Variants in PTRH1 observed in about 807,000 individuals in gnomAD.
PTRH1 encodes the protein peptidyl-tRNA hydrolase 1 homolog.
A neutral mutation model predicts 15.7 loss-of-function variants in PTRH1; 13 were observed. The ratio of observed to expected loss-of-function variants is 0.83; its 90% CI spans 0.54 to 1.31. The LOEUF is 1.31. PTRH1 is among the 40% of genes most tolerant of loss of function. The probability of loss-of-function intolerance (pLI) is 0.00; values close to 1 mark genes in which losing one functional copy is unlikely to be tolerated. For missense variants in PTRH1, 319 were observed against 296.2 expected, an observed-to-expected ratio of 1.08 and a Z score of -0.56; for synonymous variants, 139 against 136.7, an observed-to-expected ratio of 1.02 and a Z score of -0.12.
chr9:127,703,385 G>T (rs1469288943), intron 1 of PTRH1, among the ~76,000 whole-genome samples: 2 of 152,058 alleles, frequency 1.3e-5, no homozygotes, highest in Non-Finnish European at 2.9e-5. Context: ...GGTGGAGGTT[G>T]CAGTGAGCTG....
At chr9:127,713,738 G>A (rs998827858), downstream of PTRH1, 12 of 1,014,246 alleles carry the variant, frequency 1.2e-5, no homozygotes, top group Middle Eastern at 2.5e-4. Flanking sequence ...AACTCCTGAC[G>A]TCAAGCAATC....
At chr9:127,699,008 C>A (rs1842583706) in intron 1 of PTRH1, among the ~76,000 whole-genome samples, 1 of 151,672 alleles carries the variant, frequency 6.6e-6, no homozygotes, top group Non-Finnish European at 1.5e-5. Flanking sequence ...TCAAGCGATC[C>A]TCCCTCCTTA....
At chr9:127,711,815 C>T (rs371388623), downstream of PTRH1, 140 of 1,559,368 alleles carry the variant, frequency 9.0e-5, no homozygotes, top group Non-Finnish European at 1.1e-4. Context: ...TGTCCGCACC[C>T]GCAGATCATC....
downstream of PTRH1, chr9:127,712,831 G>C (rs187320210): frequency 9.9e-6 from 16 of 1,613,632 alleles, no homozygotes; most frequent in African/African-American, 4.0e-5. Flanking sequence ...AGAAGGCTGC[G>C]TGTCCCCACC....
Position 127,715,123 on chromosome 9 carries a change from C to G in PTRH1, c.168G>C (p.Leu56=). ...HSVGMAVLGQ[L]ARRLGVAESW... is the part of the protein sequence containing the mutation. The stretch of plus-strand genomic sequence containing the variant: ...TCTCCGCCACACCCAGCCGCCGCGC[C>G]AGCTGCCCCAGCACCGCCATGCCCA... The change falls in exon 2 of 5, where the codon CTG becomes CTC. Residue 56 remains leucine (L), a synonymous_variant. Coordinates refer to ENST00000543175, the MANE Select transcript of PTRH1 (RefSeq NM_001002913.3). This position sits in a 1 kb window ranked among gnomAD's most constrained non-coding sequence, Gnocchi z 5.8. 6.5e-7 allele frequency: 1 copy of G among 1,535,558 alleles called. No homozygotes were observed. The highest frequency in any genetic ancestry group is 8.7e-7 in the Non-Finnish European group (1 of 1,146,598).
chr9:127,714,566 A>T (rs1254559381), intron 3 of PTRH1, 37 bp downstream of exon 3: 1 of 1,602,128 alleles, frequency 6.2e-7, no homozygotes, highest in African/African-American at 1.3e-5. Context: ...GGGAGGCCTG[A>T]AGCCCTATCC....
chr9:127,710,837 C>G, downstream of PTRH1: 8 of 1,464,194 alleles, frequency 5.5e-6, no homozygotes, highest in Non-Finnish European at 7.4e-6. Flanking sequence ...GCCTCAGCTT[C>G]TAACTGGGGG....
At position 127,714,647 on chromosome 9, in the gene PTRH1, G is replaced by C. The variant is rs1842878275; in HGVS notation, c.372C>G (p.Asp124Glu). The C allele has an allele frequency of 3.1e-6, 5 of 1,613,808 alleles. No homozygotes were observed. The African/African-American group carries it at 4.0e-5, about 13-fold the overall frequency. The part of the protein sequence containing the change: ...EEVYLVHDEL[D>E]KPLGRLALKL... ...TCAGAGCCAGTCTCCCCAGGGGCTT[G>C]TCCAGCTCATCATGCACCAGGTAGA... The change falls in exon 3 of 5, where the codon GAC (aspartate) becomes GAG (glutamate). Residue 124 changes from aspartate (D) to glutamate (E), a missense_variant. Asp to Glu is a conservative substitution (Grantham distance 45). Coordinates refer to ENST00000543175, the MANE Select transcript of PTRH1 (RefSeq NM_001002913.3).
rs962121088 is a variant in PTRH1 at position 127,705,600 on chromosome 9, G to C, written c.205+9835C>G. 6.6e-6 allele frequency among the ~76,000 whole-genome samples: 1 copy of C among 152,252 alleles called. No individual in the cohort carries two copies. The highest frequency in any genetic ancestry group is 1.5e-5 in the Non-Finnish European group (1 of 68,046). ...CAGAGCTACCCCCTGCAATGGGCCT[G>C]GGGAAAAGAGAATAGAAATGGGGGA... On this transcript the variant is annotated intron_variant, in intron 1 of 2. Coordinates refer to the PTRH1 transcript ENST00000335223. The surrounding 1 kb of genome is among the most constrained non-coding windows in gnomAD (Gnocchi z 4.7).
At position 127,708,612 on chromosome 9, in the gene PTRH1, CTGAGA is replaced by C. The variant is rs200746956; in HGVS notation, c.205+6818_205+6822del. Among the ~76,000 whole-genome samples the C allele has an allele frequency of 2.9e-3, 446 of 152,308 alleles. 11 individuals carry two copies. In the East Asian group the frequency reaches 0.063, roughly 21 times the overall value. On this transcript the variant is annotated intron_variant, in intron 1 of 2. Transcript: ENST00000335223. Reference sequence around the variant, plus strand: ...TTGAAATTCACAAACTTCCCTTGAGCTGAGATATCAGGTAGAATATATTCAAGGCA... The same window carrying C: ...TTGAAATTCACAAACTTCCCTTGAGCTATCAGGTAGAATATATTCAAGGCA...
Position 127,696,181 on chromosome 9 carries a change from A to G in PTRH1, c.206-1040T>C, listed in dbSNP as rs554789995. Reference sequence around the variant, plus strand: ...GGTGAAACCGTCTCTACAAAAAATTAAAAAATTACCCTGGCATGGTGGCAT... The same window carrying G: ...GGTGAAACCGTCTCTACAAAAAATTGAAAAATTACCCTGGCATGGTGGCAT... On this transcript the variant is annotated intron_variant, in intron 1 of 2. Transcript: ENST00000335223. 1.3e-3 allele frequency among the ~76,000 whole-genome samples: 199 copies of G among 151,986 alleles called. 5 individuals are homozygous for G. In the South Asian group the frequency reaches 0.039, roughly 30 times the overall value.
downstream of PTRH1, chr9:127,710,713 T>A: frequency 6.4e-7 from 1 of 1,572,958 alleles, no homozygotes; most frequent in Non-Finnish European, 8.6e-7. Flanking sequence ...TCAGGGACTA[T>A]GCATACAACC....
chr9:127,706,460 G>T (rs1842649678), intron 1 of PTRH1, among the ~76,000 whole-genome samples: 1 of 152,216 alleles, frequency 6.6e-6, no homozygotes, highest in South Asian at 2.1e-4. Flanking sequence ...GAAAGGACCT[G>T]CCCGCTGTCC....
downstream of PTRH1, chr9:127,711,778 A>T: frequency 6.5e-7 from 1 of 1,540,152 alleles, no homozygotes; most frequent in East Asian, 2.4e-5. Context: ...CAGCTGGGGG[A>T]CAGGGCAGGC....
At chr9:127,701,566 C>T (rs765744517) in intron 1 of PTRH1, among the ~76,000 whole-genome samples, 14 of 152,194 alleles carry the variant, frequency 9.2e-5, no homozygotes, top group South Asian at 2.1e-4. Flanking sequence ...TGAACCTGAA[C>T]GTTCCAGTCA....
chr9:127,709,437 G>C, downstream of PTRH1: 1 of 1,613,540 alleles, frequency 6.2e-7, no homozygotes, highest in African/African-American at 1.3e-5. This position sits in a 1 kb window ranked among gnomAD's most constrained non-coding sequence, Gnocchi z 4.7. Context: ...AGCGGAAGTG[G>C]GATGAGCTGG....
chr9:127,711,870 G>C (rs774061547), downstream of PTRH1: 5 of 1,586,616 alleles, frequency 3.2e-6, no homozygotes, highest in Non-Finnish European at 4.3e-6. Flanking sequence ...AGGACACCAA[G>C]GAGGCCGAGG....
chr9:127,711,944 C>A (rs769331564), downstream of PTRH1: 3 of 1,605,694 alleles, frequency 1.9e-6, no homozygotes, highest in South Asian at 3.4e-5. Flanking sequence ...GATAACCAGG[C>A]ACTGAAGTGC....
At chr9:127,702,824 A>C (rs1222876434) in intron 1 of PTRH1, among the ~76,000 whole-genome samples, 1 of 149,458 alleles carries the variant, frequency 6.7e-6, no homozygotes, top group Non-Finnish European at 1.5e-5. Flanking sequence ...CGATTCTCCT[A>C]CCTCAGCCTC....
Sources: allele counts gnomAD v4.1 joint callset (sites outside exome capture counted in the v4.1 genomes callset), GRCh38; gene constraint gnomAD v4.1.1; non-coding constraint Gnocchi (gnomAD v3.1); transcripts MANE v1.5; gene names NCBI Gene and HGNC (gene_info 2026-07-23, HGNC 2026-07-21).